The following TRAPPC9 variants were observed in gnomAD, a reference collection of about 807,000 sequenced individuals.
TRAPPC9 encodes the protein IKK2 binding protein.
Under a neutral mutation model 124.0 loss-of-function variants are expected in TRAPPC9, and 83 were observed. That is an observed-to-expected ratio of 0.67 (90% CI 0.56 to 0.80). TRAPPC9 has a LOEUF of 0.80. TRAPPC9 is among the 30% of genes least tolerant of loss of function. TRAPPC9 has a pLI of 0.00. For synonymous variants in TRAPPC9, 638 were observed against 617.5 expected (o/e 1.03, Z -0.49); for missense variants, 1,302 against 1,508.3 (o/e 0.86, Z 2.27).
intron 21 of TRAPPC9, among the ~76,000 whole-genome samples, chr8:139,837,497 G>A (rs1363091060): frequency 1.3e-5 from 2 of 152,162 alleles, no homozygotes; most frequent in African/African-American, 4.8e-5. Flanking sequence ...TCAACAACAC[G>A]CTCCCCCACC....
At chr8:140,188,918 C>A (rs530806518) in intron 17 of TRAPPC9, among the ~76,000 whole-genome samples, 30 of 152,336 alleles carry the variant, frequency 2.0e-4, no homozygotes, top group Non-Finnish European at 3.7e-4. Context: ...GAATGGCCAA[C>A]AGGCAGCCCT....
Position 140,288,805 on chromosome 8 carries a change from A to G in TRAPPC9, c.1855-1071T>C, listed in dbSNP as rs2065563292. Reference sequence around the variant, plus strand: ...CAACTACATTAGAATAAACCTAACAAATGACAGGCAAGGTTTCATAACAGT... The same window carrying G: ...CAACTACATTAGAATAAACCTAACAGATGACAGGCAAGGTTTCATAACAGT... On this transcript the variant is annotated intron_variant, in intron 12 of 22. Coordinates refer to ENST00000438773, the MANE Select transcript of TRAPPC9 (RefSeq NM_001160372.4). 2.0e-5 allele frequency among the ~76,000 whole-genome samples: 3 copies of G among 152,350 alleles called. No homozygotes were observed. The South Asian group carries it at 6.2e-4, about 32-fold the overall frequency.
chr8:140,049,677 C>T (rs1841856283), intron 17 of TRAPPC9, among the ~76,000 whole-genome samples: 1 of 152,156 alleles, frequency 6.6e-6, no homozygotes, highest in South Asian at 2.1e-4. Flanking sequence ...CAGGGACCCC[C>T]TGTCCAAACA....
chr8:139,780,655 A>G (rs756497630), intron 21 of TRAPPC9, among the ~76,000 whole-genome samples: 16 of 152,204 alleles, frequency 1.1e-4, no homozygotes, highest in Non-Finnish European at 2.1e-4. Context: ...AGGTAGAATC[A>G]GTGAAAGAAA....
At chr8:139,828,433 A>G (rs1264015233) in intron 21 of TRAPPC9, among the ~76,000 whole-genome samples, 1 of 152,220 alleles carries the variant, frequency 6.6e-6, no homozygotes, top group Non-Finnish European at 1.5e-5. Flanking sequence ...AAGCCAGACA[A>G]TGCGGCCAAA....
intron 21 of TRAPPC9, among the ~76,000 whole-genome samples, chr8:139,849,520 T>C (rs765355666): frequency 2.0e-5 from 3 of 152,274 alleles, no homozygotes; most frequent in Admixed American, 6.5e-5. Flanking sequence ...AAGGAAATTA[T>C]GGAATAACTA....
intron 22 of TRAPPC9, among the ~76,000 whole-genome samples, chr8:139,731,708 CCT>C (rs1817836279): frequency 6.6e-6 from 1 of 152,082 alleles, no homozygotes; most frequent in African/African-American, 2.4e-5. Context: ...GGAGCAGCCC[CCT>C]GTCCTGGGCA....
intron 21 of TRAPPC9, among the ~76,000 whole-genome samples, chr8:139,759,276 G>C (rs1300408463): frequency 6.6e-6 from 1 of 152,154 alleles, no homozygotes; most frequent in Non-Finnish European, 1.5e-5. Context: ...AGCCGGAAGG[G>C]GCGGGGAGGA....
chr8:139,780,745 C>CTT (rs1821758390), intron 21 of TRAPPC9, among the ~76,000 whole-genome samples: 2 of 151,586 alleles, frequency 1.3e-5, no homozygotes, highest in Non-Finnish European at 2.9e-5. Context: ...GAAGACAAGC[C>CTT]GTAGCAAATA....
intron 7 of TRAPPC9, among the ~76,000 whole-genome samples, chr8:140,388,678 T>A (rs1386346680): frequency 2.0e-5 from 3 of 148,180 alleles, no homozygotes; most frequent in Non-Finnish European, 4.5e-5. Flanking sequence ...CAAGACTCCA[T>A]CTCAAAAAAA....
At chr8:140,345,076 G>A (rs73713104) in intron 9 of TRAPPC9, among the ~76,000 whole-genome samples, 24,276 of 152,170 alleles carry the variant, frequency 0.16, 3,015 homozygotes, top group East Asian at 0.65. Flanking sequence ...TGGGCGGGTC[G>A]ACAGTCAGGC....
chr8:140,152,517 C>T (rs971362235), intron 17 of TRAPPC9, among the ~76,000 whole-genome samples: 2 of 151,414 alleles, frequency 1.3e-5, no homozygotes, highest in African/African-American at 4.9e-5. Flanking sequence ...CCTGCCACCA[C>T]GCCTGGCTAA....
In TRAPPC9 at chr8:140,359,684, G is replaced by A. The variant is rs993650253; in HGVS notation, c.1495+366C>T. Reference sequence around the variant, plus strand: ...TTACTGAGCCACATTCCTATGAGTCGTGCACTCCTCTATGTAAATGTTATG... The same window carrying A: ...TTACTGAGCCACATTCCTATGAGTCATGCACTCCTCTATGTAAATGTTATG... On this transcript the variant is annotated intron_variant, in intron 9 of 22. Coordinates refer to ENST00000438773, the MANE Select transcript of TRAPPC9 (RefSeq NM_001160372.4). 3.3e-5 allele frequency among the ~76,000 whole-genome samples: 5 copies of A among 152,126 alleles called. 1 individual carries two copies. The highest frequency in any genetic ancestry group is 2.0e-4 in the Admixed American group (3 of 15,268).
chr8:140,208,788 G>A (rs1360687299), intron 17 of TRAPPC9, among the ~76,000 whole-genome samples: 1 of 152,196 alleles, frequency 6.6e-6, no homozygotes, highest in South Asian at 2.1e-4. Context: ...ATCGGCCCTT[G>A]AACAACATGG....
At chr8:140,005,010 T>C (rs66910025) in intron 18 of TRAPPC9, among the ~76,000 whole-genome samples, 26,580 of 152,062 alleles carry the variant, frequency 0.17, 2,572 homozygotes, top group African/African-American at 0.26. Context: ...CTGGAGAGCT[T>C]TTTCACATTT....
At chr8:140,092,549 A>G (rs1251874954) in intron 17 of TRAPPC9, among the ~76,000 whole-genome samples, 1 of 152,206 alleles carries the variant, frequency 6.6e-6, no homozygotes, top group Admixed American at 6.5e-5. Flanking sequence ...AAGTGAGAAA[A>G]GGAATCAGAG....
Sources: allele counts gnomAD v4.1 joint callset (sites outside exome capture counted in the v4.1 genomes callset), GRCh38; gene constraint gnomAD v4.1.1; transcripts MANE v1.5; gene names NCBI Gene and HGNC (gene_info 2026-07-23, HGNC 2026-07-21).